TSHZ2: variants seen among roughly 807,000 people sequenced by gnomAD.
TSHZ2 encodes teashirt zinc finger homeobox 2.
In TSHZ2, 21 loss-of-function variants were observed where a neutral mutation model predicts 74.4. That is an observed-to-expected ratio of 0.28 (90% CI 0.20 to 0.41). The LOEUF (loss-of-function observed/expected upper bound fraction) is 0.41, where lower values mean the gene tolerates loss of function less well. Among genes scored for constraint, TSHZ2 ranks in the 10% least tolerant of loss-of-function variants. The probability of loss-of-function intolerance (pLI) is 1.00; values close to 1 mark genes in which losing one functional copy is unlikely to be tolerated. For missense variants in TSHZ2, 1,244 were observed against 1,293.5 expected (o/e 0.96, Z 0.59); for synonymous variants, 540 against 515.3 (o/e 1.05, Z -0.65).
intron 1 of TSHZ2, among the ~76,000 whole-genome samples, chr20:53,239,047 G>C (rs1990005887): frequency 6.6e-6 from 1 of 152,122 alleles, no homozygotes; most frequent in South Asian, 2.1e-4. Flanking sequence ...CTTGCCACTA[G>C]GGATAAAGCA....
At chr20:53,352,190 T>G (rs1600825258) in intron 2 of TSHZ2, among the ~76,000 whole-genome samples, 1 of 150,054 alleles carries the variant, frequency 6.7e-6, no homozygotes, top group Admixed American at 6.6e-5. Context: ...TGGGGCCAGC[T>G]CTTTACCCCA....
intron 2 of TSHZ2, among the ~76,000 whole-genome samples, chr20:53,454,593 G>A (rs895452718): frequency 2.0e-5 from 3 of 151,374 alleles, no homozygotes; most frequent in Non-Finnish European, 4.4e-5. Flanking sequence ...AAAAACTAAT[G>A]TTAAATGTGT....
chr20:53,222,281 C>G (rs1193246181), intron 1 of TSHZ2, among the ~76,000 whole-genome samples: 1 of 152,188 alleles, frequency 6.6e-6, no homozygotes, highest in Non-Finnish European at 1.5e-5. Context: ...TTTTCTCCCT[C>G]TGGGACACTG....
At chr20:53,473,997 T>C (rs1396875757) in intron 2 of TSHZ2, among the ~76,000 whole-genome samples, 1 of 151,514 alleles carries the variant, frequency 6.6e-6, no homozygotes, top group Non-Finnish European at 1.5e-5. Context: ...CCAAGAAATA[T>C]GGGACTATGT....
chr20:53,239,583 GAT>G (rs1400919691), intron 1 of TSHZ2, among the ~76,000 whole-genome samples: 2 of 152,106 alleles, frequency 1.3e-5, no homozygotes, highest in African/African-American at 4.8e-5. Context: ...TTGGGGAGGA[GAT>G]GCCATTTGAA....
At chr20:53,372,900 C>T (rs1046173974) in intron 2 of TSHZ2, among the ~76,000 whole-genome samples, 4 of 152,178 alleles carry the variant, frequency 2.6e-5, no homozygotes, top group Admixed American at 2.0e-4. Flanking sequence ...GAAAAGCAAA[C>T]CGCTTTTTCA....
At chr20:53,273,439 A>C (rs1333772577) in intron 2 of TSHZ2, 1 of 152,374 alleles carries the variant, frequency 6.6e-6, no homozygotes, top group African/African-American at 2.4e-5. Context: ...AATTACAGGC[A>C]TGTGCCACCA....
intron 2 of TSHZ2, among the ~76,000 whole-genome samples, chr20:53,303,938 T>G (rs1413137358): frequency 2.6e-5 from 4 of 152,192 alleles, no homozygotes; most frequent in Non-Finnish European, 4.4e-5. Flanking sequence ...GCAATTCTTT[T>G]ATCACTTCCC....
intron 2 of TSHZ2, among the ~76,000 whole-genome samples, chr20:53,394,234 A>G (rs1230358130): frequency 6.6e-6 from 1 of 152,246 alleles, no homozygotes; most frequent in East Asian, 1.9e-4. Context: ...CAAGGATGTC[A>G]GAACAGAACA....
intron 1 of TSHZ2, among the ~76,000 whole-genome samples, chr20:53,025,302 A>G (rs975997442): frequency 6.6e-6 from 1 of 152,144 alleles, no homozygotes; most frequent in Non-Finnish European, 1.5e-5. Context: ...ATTTTTGAAG[A>G]TCTTGGTTTA....
rs7346062 is a variant in TSHZ2 at position 53,198,785 on chromosome 20, A to T, written c.41-54714A>T. ...TATTCCGACTTGGGATTCAGCTTTGATAATCAATGCCATACCATGTCCTTG... is the reference window on the plus strand; with the variant it reads ...TATTCCGACTTGGGATTCAGCTTTGTTAATCAATGCCATACCATGTCCTTG... On this transcript the variant is annotated intron_variant, in intron 1 of 2. Transcript: ENST00000371497. Among the ~76,000 whole-genome samples, 1,274 of 152,364 alleles carry T rather than the reference A, an allele frequency of 8.4e-3. 13 individuals carry two copies. Among genetic ancestry groups the T allele is most frequent in the African/African-American group, 0.029 (1,203 of 41,580 alleles).
At chr20:53,485,895 A>G (rs186702978) in intron 2 of TSHZ2, among the ~76,000 whole-genome samples, 1 of 152,382 alleles carries the variant, frequency 6.6e-6, no homozygotes, top group African/African-American at 2.4e-5. Context: ...TACACACAAC[A>G]TAAAATTTAT....
At chr20:53,203,341 C>T (rs374334272) in intron 1 of TSHZ2, among the ~76,000 whole-genome samples, 2 of 151,940 alleles carry the variant, frequency 1.3e-5, no homozygotes, top group Non-Finnish European at 2.9e-5. Flanking sequence ...ATTATAGGCA[C>T]CCACCACCAT....
intron 2 of TSHZ2, among the ~76,000 whole-genome samples, chr20:53,306,888 A>G (rs955511777): frequency 6.6e-6 from 1 of 152,198 alleles, no homozygotes; most frequent in East Asian, 1.9e-4. Flanking sequence ...AGCTGCCATT[A>G]GTTGGACACC....
intron 1 of TSHZ2, among the ~76,000 whole-genome samples, chr20:53,034,567 T>C (rs1228533796): frequency 6.6e-6 from 1 of 152,138 alleles, no homozygotes; most frequent in Non-Finnish European, 1.5e-5. Flanking sequence ...TAAAATAGAA[T>C]AATGTGTTTG....
chr20:53,389,645 G>A (rs577342598), intron 2 of TSHZ2, among the ~76,000 whole-genome samples: 1 of 152,322 alleles, frequency 6.6e-6, no homozygotes, highest in African/African-American at 2.4e-5. Flanking sequence ...ATGCTCTGCT[G>A]GTTGATGTTA....
chr20:53,010,387 A>AGTTTT lies in TSHZ2; in HGVS notation c.40+37055_40+37056insTTTTG, dbSNP rs376861771. 9.9e-3 allele frequency among the ~76,000 whole-genome samples: 1,506 copies of AGTTTT among 152,320 alleles called. 24 individuals are homozygous for AGTTTT. Among genetic ancestry groups the AGTTTT allele is most frequent in the African/African-American group, 0.034 (1,421 of 41,576 alleles). On this transcript the variant is annotated intron_variant, in intron 1 of 2. Coordinates refer to ENST00000371497, the MANE Select transcript of TSHZ2 (RefSeq NM_173485.6). Reference sequence around the variant, plus strand: ...TGTCTAAACACACACTCCTAAAGGAAGCAAAGCAAAACAACAACAGCAATA... The same window carrying AGTTTT: ...TGTCTAAACACACACTCCTAAAGGAAGTTTTGCAAAGCAAAACAACAACAGCAATA...
At chr20:53,479,485 G>A (rs1300032570) in intron 2 of TSHZ2, among the ~76,000 whole-genome samples, 1 of 152,144 alleles carries the variant, frequency 6.6e-6, no homozygotes, top group Non-Finnish European at 1.5e-5. Context: ...TTGAATGGGG[G>A]TCTTGAGGAT....
chr20:53,465,810 A>T lies in TSHZ2; in HGVS notation c.*9-21334A>T, dbSNP rs1985539430. Among the ~76,000 whole-genome samples, 4 of 152,136 alleles carry T rather than the reference A, an allele frequency of 2.6e-5. No individual in the cohort carries two copies. The South Asian group carries it at 8.3e-4, about 32-fold the overall frequency. On this transcript the variant is annotated intron_variant, in intron 2 of 2. Coordinates refer to ENST00000371497, the MANE Select transcript of TSHZ2 (RefSeq NM_173485.6). ...TCAGGCAAAAGATGGAAACTCAATA[A>T]ATGAAAACTACCATTAAAATGAATA...
Sources: gnomAD v4.1 joint callset for allele counts (sites outside exome capture counted in the v4.1 genomes callset) on GRCh38, gnomAD v4.1.1 for gene constraint, MANE v1.5 for transcripts, NCBI Gene and HGNC (gene_info 2026-07-23, HGNC 2026-07-21) for gene names.